NEK10: variants seen among roughly 807,000 people sequenced by gnomAD.
The protein encoded by NEK10 is serine/threonine-protein kinase Nek10.
In NEK10, 122 loss-of-function variants were observed where a neutral mutation model predicts 159.8. That is an observed-to-expected ratio of 0.76 (90% CI 0.66 to 0.89). NEK10 has a LOEUF of 0.89. Ranked by LOEUF, NEK10 falls within the 40% of genes least tolerant of loss-of-function variation. The probability of loss-of-function intolerance (pLI) is 0.00; values close to 1 mark genes in which losing one functional copy is unlikely to be tolerated. For synonymous variants in NEK10, 466 were observed against 457.1 expected, an observed-to-expected ratio of 1.02 and a Z score of -0.25; for missense variants, 1,342 against 1,323.1, an observed-to-expected ratio of 1.01 and a Z score of -0.22.
At chr3:27,363,089 TG>T (rs1319646539) in intron 1 of NEK10, among the ~76,000 whole-genome samples, 2 of 152,178 alleles carry the variant, frequency 1.3e-5, no homozygotes, top group South Asian at 2.1e-4. Flanking sequence ...TACTCACACT[TG>T]GTCCTGAACT....
intron 29 of NEK10, among the ~76,000 whole-genome samples, chr3:27,165,818 G>C (rs1415464705): frequency 6.6e-6 from 1 of 152,098 alleles, no homozygotes; most frequent in African/African-American, 2.4e-5. Flanking sequence ...TAGACTTTTC[G>C]CTGAATTAAG....
At chr3:27,246,296 G>C (rs1057201464) in intron 23 of NEK10, among the ~76,000 whole-genome samples, 2 of 152,116 alleles carry the variant, frequency 1.3e-5, no homozygotes, top group African/African-American at 4.8e-5. Flanking sequence ...ATGGGGGTTT[G>C]TTGCAGATTA....
At chr3:27,296,972 G>T (rs1160662136) in intron 14 of NEK10, among the ~76,000 whole-genome samples, 1 of 152,106 alleles carries the variant, frequency 6.6e-6, no homozygotes, top group African/African-American at 2.4e-5. Flanking sequence ...TTAACCACAT[G>T]TCAGTCCTTT....
chr3:27,257,406 G>A (rs1956314695), intron 22 of NEK10, among the ~76,000 whole-genome samples: 1 of 152,202 alleles, frequency 6.6e-6, no homozygotes, highest in Admixed American at 6.5e-5. Flanking sequence ...ATATCATGTT[G>A]TAAAGCACAG....
At chr3:27,332,074 A>G (rs1228876235) in intron 5 of NEK10, among the ~76,000 whole-genome samples, 1 of 152,236 alleles carries the variant, frequency 6.6e-6, no homozygotes, top group Non-Finnish European at 1.5e-5. Context: ...TGGTTATTCT[A>G]GAACGATAGT....
chr3:27,279,198 GAGA>G (rs1207425611), intron 22 of NEK10, among the ~76,000 whole-genome samples: 3 of 152,262 alleles, frequency 2.0e-5, no homozygotes, highest in East Asian at 3.9e-4. Flanking sequence ...TGAGAAAAAT[GAGA>G]AGATGAAAAT....
chr3:27,346,869 A>C (rs1333034843), intron 3 of NEK10, among the ~76,000 whole-genome samples: 3 of 152,244 alleles, frequency 2.0e-5, no homozygotes, highest in Non-Finnish European at 4.4e-5. Flanking sequence ...TACCATAAGT[A>C]AAAATTTAAC....
At chr3:27,111,359 C>A in intron 35 of NEK10, 39 bp from the exon 36 acceptor site, 1 of 1,493,010 alleles carries the variant, frequency 6.7e-7, no homozygotes, top group South Asian at 1.3e-5. Flanking sequence ...TCTATAGTTA[C>A]AAATATTTTA....
intron 23 of NEK10, among the ~76,000 whole-genome samples, chr3:27,227,784 A>G (rs1952788779): frequency 6.6e-6 from 1 of 152,250 alleles, no homozygotes; most frequent in South Asian, 2.1e-4. Context: ...ATGTTTTTCT[A>G]ATTGTACATA....
chr3:27,124,901 A>G (rs1014599977), intron 32 of NEK10, among the ~76,000 whole-genome samples: 2 of 152,152 alleles, frequency 1.3e-5, no homozygotes, highest in African/African-American at 4.8e-5. Flanking sequence ...AGTCCAATGC[A>G]AGTGCTGTGT....
At chr3:27,279,070 A>G (rs1255710794) in intron 22 of NEK10, 2 of 248,658 alleles carry the variant, frequency 8.0e-6, no homozygotes, top group Non-Finnish European at 1.3e-5. Flanking sequence ...AACCAAGCAT[A>G]GCAGAATATG....
intron 22 of NEK10, among the ~76,000 whole-genome samples, chr3:27,259,572 G>T (rs140750999): frequency 0.23 from 35,322 of 151,998 alleles, 4,470 homozygotes; most frequent in Middle Eastern, 0.37. Context: ...TGTTCCATTG[G>T]TCTGTATCTC....
At chr3:27,328,396 C>G (rs1443235221) in intron 5 of NEK10, among the ~76,000 whole-genome samples, 2 of 152,140 alleles carry the variant, frequency 1.3e-5, no homozygotes, top group Admixed American at 6.5e-5. Flanking sequence ...AGGACAGTCA[C>G]AGAACAGTTC....
At chr3:27,295,779 T>C (rs1014561698) in intron 14 of NEK10, 89 bp from the exon 15 acceptor site, 5 of 1,403,782 alleles carry the variant, frequency 3.6e-6, no homozygotes, top group Admixed American at 6.0e-5. Context: ...CAAACATTAA[T>C]ATCAAAGAAG....
intron 28 of NEK10, among the ~76,000 whole-genome samples, chr3:27,174,023 C>T (rs1294566462): frequency 6.6e-6 from 1 of 152,030 alleles, no homozygotes; most frequent in Non-Finnish European, 1.5e-5. Context: ...AAATGTAACA[C>T]ATCCCTTTAG....
At chr3:27,169,447 T>A (rs1352537223) in intron 29 of NEK10, among the ~76,000 whole-genome samples, 2 of 152,178 alleles carry the variant, frequency 1.3e-5, no homozygotes, top group Non-Finnish European at 2.9e-5. Flanking sequence ...TCATGAGGTC[T>A]TACAGGGTTT....
At chr3:27,303,689 G>A (rs912643604) in intron 12 of NEK10, among the ~76,000 whole-genome samples, 2 of 152,194 alleles carry the variant, frequency 1.3e-5, no homozygotes, top group African/African-American at 4.8e-5. Context: ...GTTCATGTCT[G>A]TACAGTCTAT....
At chr3:27,218,889 T>C (rs186763115) in intron 23 of NEK10, among the ~76,000 whole-genome samples, 3 of 152,290 alleles carry the variant, frequency 2.0e-5, no homozygotes, top group Non-Finnish European at 2.9e-5. Context: ...TCAGGTAACA[T>C]TGTGCTTCAC....
chr3:27,312,018 T>C lies in NEK10; in HGVS notation c.568+81A>G, dbSNP rs762895099. 7.0e-5 allele frequency: 61 copies of C among 868,254 alleles called. 1 individual carries two copies. In the South Asian group the frequency reaches 8.6e-4, roughly 12 times the overall value. 53.8% of individuals were successfully genotyped at this position (868,254 alleles called of 1,614,324 possible). A position where few individuals can be genotyped will look rare whatever the true frequency, so the allele number is the denominator to read the frequency against. On this transcript the variant is annotated intron_variant, in intron 8 of 35. Transcript: ENST00000691995. ...CGAACATTAATAAATATTTAAAGTA[T>C]CCTTGTTTCCTGCTGCAAACACCAT...
Sources: gnomAD v4.1 joint callset for allele counts (sites outside exome capture counted in the v4.1 genomes callset) on GRCh38, gnomAD v4.1.1 for gene constraint, MANE v1.5 for transcripts, NCBI Gene and HGNC (gene_info 2026-07-23, HGNC 2026-07-21) for gene names.